The following MLF2 variants were observed in gnomAD, a reference collection of about 807,000 sequenced individuals.
The protein encoded by MLF2 is myelodysplasia-myeloid leukemia factor 2.
A neutral mutation model predicts 31.4 loss-of-function variants in MLF2; 12 were observed. The observed-to-expected ratio is 0.38, with a 90% CI of 0.24 to 0.62. The LOEUF (loss-of-function observed/expected upper bound fraction) is 0.62. MLF2 is among the 20% of genes least tolerant of loss of function. MLF2 has a pLI of 0.58. For synonymous variants in MLF2, 109 were observed against 118.8 expected, an observed-to-expected ratio of 0.92 and a Z score of 0.54; for missense variants, 272 against 359.7, an observed-to-expected ratio of 0.76 and a Z score of 1.97.
Position 6,748,155 on chromosome 12 carries a change from A to G in MLF2, c.*418T>C, listed in dbSNP as rs1403672405. ...GTCTGCTCCTTCCACAGCCCTAGAT[A>G]GGGCTACGGCCCCTCAGTGGGGGCT... On this transcript the variant is annotated 3_prime_UTR_variant, in exon 9 of 9. Transcript: ENST00000203630. This position sits in a 1 kb window ranked among gnomAD's most constrained non-coding sequence, Gnocchi z 4.6. 6.6e-6 allele frequency: 1 copy of G among 152,352 alleles called. No homozygotes were observed. Among genetic ancestry groups the G allele is most frequent in the Non-Finnish European group, 1.5e-5 (1 of 68,122 alleles). The allele number at this position is 152,352 out of a possible 1,614,324, so 9.4% of individuals were successfully genotyped here. A position where few individuals can be genotyped will look rare whatever the true frequency, so the allele number is the denominator to read the frequency against.
At position 6,752,211 on chromosome 12, in the gene MLF2, A is replaced by G. The variant is rs1361073420; in HGVS notation, c.50+74T>C. 1 of 1,540,812 alleles carries G rather than the reference A, an allele frequency of 6.5e-7. No homozygotes were observed. Among genetic ancestry groups the G allele is most frequent in the Non-Finnish European group, 8.8e-7 (1 of 1,135,960 alleles). On this transcript the variant is annotated intron_variant, in intron 2 of 8. Coordinates refer to ENST00000203630, the MANE Select transcript of MLF2 (RefSeq NM_001382226.1). The surrounding 1 kb of genome is among the most constrained non-coding windows in gnomAD (Gnocchi z 4.6). ...CAGCCAGTTCCAACCATTCCTAGCA[A>G]TGGGAACCCCGATGTCTGCCTGAAC...
In MLF2 at chr12:6,748,710, T is replaced by G; in HGVS notation, c.*25+60A>C. On this transcript the variant is annotated intron_variant, in intron 8 of 8. Coordinates refer to ENST00000203630, the MANE Select transcript of MLF2 (RefSeq NM_001382226.1). This position sits in a 1 kb window ranked among gnomAD's most constrained non-coding sequence, Gnocchi z 4.6. ...CTCCTGCGGGAGCCTGAACTGAGCC[T>G]GCCTTGCAGCCGAGGACCGTCCGCA... is the stretch of plus-strand genomic sequence containing the variant. 7.5e-7 allele frequency: 1 copy of G among 1,328,132 alleles called. No individual in the cohort carries two copies. Among genetic ancestry groups the G allele is most frequent in the Non-Finnish European group, 1.0e-6 (1 of 995,210 alleles). The allele number at this position is 1,328,132 out of a possible 1,614,324, so 82.3% of individuals were successfully genotyped here. A position where few individuals can be genotyped will look rare whatever the true frequency, so the allele number is the denominator to read the frequency against.
In MLF2 at chr12:6,752,364, T is replaced by C; in HGVS notation, c.-28-2A>G. Reference sequence around the variant, plus strand: ...ATCTCAGCTCCAGGGGGCTCCACACTGGAAAGATATGGAAGCTCAGATACT... The same window carrying C: ...ATCTCAGCTCCAGGGGGCTCCACACCGGAAAGATATGGAAGCTCAGATACT... On this transcript the variant is annotated splice_acceptor_variant, in intron 1 of 8. Transcript: ENST00000203630. LOFTEE classifies it low-confidence loss of function (5UTR_SPLICE). The surrounding 1 kb of genome is among the most constrained non-coding windows in gnomAD (Gnocchi z 4.6). 2 of 1,552,612 alleles carry C rather than the reference T, an allele frequency of 1.3e-6. No homozygotes were observed. Among genetic ancestry groups the C allele is most frequent in the Non-Finnish European group, 1.7e-6 (2 of 1,147,000 alleles).
At position 6,750,020 on chromosome 12, in the gene MLF2, AG is replaced by A; in HGVS notation, c.400-14del. 6.2e-7 allele frequency: 1 copy of A among 1,614,002 alleles called. No homozygotes were observed. Among genetic ancestry groups the A allele is most frequent in the Non-Finnish European group, 8.5e-7 (1 of 1,179,894 alleles). ...GTGTCTCCCGGATCTGGGATGAGGC[AG>A]AACGTGGCACACTCAGCCGCCCCTT... On this transcript the variant is annotated splice_polypyrimidine_tract_variant and intron_variant, in intron 6 of 8. Coordinates refer to ENST00000203630, the MANE Select transcript of MLF2 (RefSeq NM_001382226.1). The surrounding 1 kb of genome is among the most constrained non-coding windows in gnomAD (Gnocchi z 5.3).
At chr12:6,751,221 CTTT>C (rs58891397) in intron 4 of MLF2, 119 of 192,456 alleles carry the variant, frequency 6.2e-4, no homozygotes, top group South Asian at 1.4e-3. Flanking sequence ...AACATCTTTT[CTTT>C]TTTTTTTTTT....
At position 6,753,126 on chromosome 12, in the gene MLF2, A is replaced by C; in HGVS notation, c.-216T>G. 9.9e-5 allele frequency: 38 copies of C among 383,942 alleles called. No individual in the cohort carries two copies. The highest frequency in any genetic ancestry group is 1.4e-4 in the South Asian group (1 of 6,960). The allele number at this position is 383,942 out of a possible 1,614,324, so 23.8% of individuals were successfully genotyped here. ...GGCCAACGGAGCCCGAACCTCGGCCAGGCCCGGGCGGAAGTGACGTCACGA... is the reference window on the plus strand; with the variant it reads ...GGCCAACGGAGCCCGAACCTCGGCCCGGCCCGGGCGGAAGTGACGTCACGA... On this transcript the variant is annotated 5_prime_UTR_variant, in exon 1 of 9. Coordinates refer to ENST00000203630, the MANE Select transcript of MLF2 (RefSeq NM_001382226.1).
chr12:6,748,604 G>C lies in MLF2; in HGVS notation c.*26-57C>G, dbSNP rs1282283738. ...AAAAGGAAGAAAAAACTTACGTTAAGAGCCAGGAGTTGGGGTTTAATCCCC... is the reference window on the plus strand; with the variant it reads ...AAAAGGAAGAAAAAACTTACGTTAACAGCCAGGAGTTGGGGTTTAATCCCC... On this transcript the variant is annotated intron_variant, in intron 8 of 8. Transcript: ENST00000203630. The surrounding 1 kb of genome is among the most constrained non-coding windows in gnomAD (Gnocchi z 4.6). 8 of 521,372 alleles carry C rather than the reference G, an allele frequency of 1.5e-5. No homozygotes were observed. The East Asian group carries it at 2.7e-4, about 18-fold the overall frequency. The allele number at this position is 521,372 out of a possible 1,614,324, so 32.3% of individuals were successfully genotyped here.
rs559443931 is a variant in MLF2, at chr12:6,749,648, G to C, written c.559+200C>G. The C allele has an allele frequency of 1.6e-6, 1 of 632,086 alleles. No individual in the cohort carries two copies. The allele number at this position is 632,086 out of a possible 1,614,324, so 39.2% of individuals were successfully genotyped here. ...GAGAATTGCTTAAACCCGGGAGGCG[G>C]AGGTTGCAGTGAGCTGAGATCGCGC... On this transcript the variant is annotated intron_variant, in intron 7 of 8. Transcript: ENST00000203630. This position sits in a 1 kb window ranked among gnomAD's most constrained non-coding sequence, Gnocchi z 5.3.
intron 3 of MLF2, 124 bp from the exon 4 acceptor site, chr12:6,751,800 T>C: frequency 6.4e-7 from 1 of 1,567,846 alleles, no homozygotes; most frequent in Admixed American, 1.7e-5. Context: ...CCCTTTTTCC[T>C]GACCCTTTCC....
Position 6,750,585 on chromosome 12 carries a change from G to C in MLF2, c.270+128C>G. 4.3e-6 allele frequency: 5 copies of C among 1,163,756 alleles called. No individual in the cohort carries two copies. The highest frequency in any genetic ancestry group is 2.1e-5 in the Admixed American group (1 of 48,194). 72.1% of individuals were successfully genotyped at this position (1,163,756 alleles called of 1,614,324 possible). A position where few individuals can be genotyped will look rare whatever the true frequency, so the allele number is the denominator to read the frequency against. On this transcript the variant is annotated intron_variant, in intron 5 of 8. Transcript: ENST00000203630. The surrounding 1 kb of genome is among the most constrained non-coding windows in gnomAD (Gnocchi z 5.3). The stretch of plus-strand genomic sequence containing the variant: ...CAGGTACAGGGTCCCAAGGCTCTCT[G>C]GTTCAATTACTTTATCCAGTACTTT...
chr12:6,750,028 GCA>G lies in MLF2; in HGVS notation c.400-23_400-22del. ...CGGATCTGGGATGAGGCAGAACGTG[GCA>G]CACTCAGCCGCCCCTTCCAAAGCCC... is the stretch of plus-strand genomic sequence containing the variant. On this transcript the variant is annotated intron_variant, in intron 6 of 8. Coordinates refer to ENST00000203630, the MANE Select transcript of MLF2 (RefSeq NM_001382226.1). This position sits in a 1 kb window ranked among gnomAD's most constrained non-coding sequence, Gnocchi z 5.3. 1 of 1,613,656 alleles carries G rather than the reference GCA, an allele frequency of 6.2e-7. No individual in the cohort carries two copies. The highest frequency in any genetic ancestry group is 8.5e-7 in the Non-Finnish European group (1 of 1,179,758).
chr12:6,752,528 G>A lies in MLF2; in HGVS notation c.-28-166C>T, dbSNP rs1364400371. The stretch of plus-strand genomic sequence containing the variant: ...TCCACACAACCCTCTAGGGAGGGAA[G>A]GGCTCTTCAAACCTCTTTCTCAATT... On this transcript the variant is annotated intron_variant, in intron 1 of 8. Transcript: ENST00000203630. The surrounding 1 kb of genome is among the most constrained non-coding windows in gnomAD (Gnocchi z 4.6). 3.4e-6 allele frequency: 2 copies of A among 585,156 alleles called. No homozygotes were observed. Among genetic ancestry groups the A allele is most frequent in the Non-Finnish European group, 3.0e-6 (1 of 337,450 alleles). The allele number at this position is 585,156 out of a possible 1,614,324, so 36.2% of individuals were successfully genotyped here.
At position 6,749,178 on chromosome 12, in the gene MLF2, A is replaced by G. The variant is rs1941572340; in HGVS notation, c.560-196T>C. On this transcript the variant is annotated intron_variant, in intron 7 of 8. Coordinates refer to ENST00000203630, the MANE Select transcript of MLF2 (RefSeq NM_001382226.1). The surrounding 1 kb of genome is among the most constrained non-coding windows in gnomAD (Gnocchi z 5.3). ...GCCACCGGTAGGCGTAAGGTGGCCT[A>G]CTGGAGGAAGAAATCAGAATGGGAT... is the stretch of plus-strand genomic sequence containing the variant. Among the ~76,000 whole-genome samples the G allele has an allele frequency of 6.6e-6, 1 of 152,234 alleles. No individual in the cohort carries two copies. Among genetic ancestry groups the G allele is most frequent in the Non-Finnish European group, 1.5e-5 (1 of 68,026 alleles).
chr12:6,749,042 G>A lies in MLF2; in HGVS notation c.560-60C>T, dbSNP rs1286745357. ...CGGCCTGGCTCCTGGAGGCCGATGT[G>A]CGAGCGAGCCACAGCTTTTCGGGCC... On this transcript the variant is annotated intron_variant, in intron 7 of 8. Coordinates refer to ENST00000203630, the MANE Select transcript of MLF2 (RefSeq NM_001382226.1). The surrounding 1 kb of genome is among the most constrained non-coding windows in gnomAD (Gnocchi z 5.3). 1.4e-6 allele frequency: 2 copies of A among 1,465,898 alleles called. No individual in the cohort carries two copies. Among genetic ancestry groups the A allele is most frequent in the South Asian group, 2.8e-5 (2 of 71,528 alleles). The allele number at this position is 1,465,898 out of a possible 1,614,324, so 90.8% of individuals were successfully genotyped here.
chr12:6,751,459 GTTTAACACC>G (rs1352651371), intron 4 of MLF2, among the ~76,000 whole-genome samples, 173 bp downstream of exon 4: 2 of 152,104 alleles, frequency 1.3e-5, no homozygotes, highest in Admixed American at 1.3e-4. Flanking sequence ...CCCAACAAGA[GTTTAACACC>G]TTTAACCCAC....
rs1941560539 is a variant in MLF2 at position 6,748,591 on chromosome 12, A to C, written c.*26-44T>G. On this transcript the variant is annotated intron_variant, in intron 8 of 8. Coordinates refer to ENST00000203630, the MANE Select transcript of MLF2 (RefSeq NM_001382226.1). This position sits in a 1 kb window ranked among gnomAD's most constrained non-coding sequence, Gnocchi z 4.6. ...AGGAGCACAAGTCAAAAGGAAGAAA[A>C]AACTTACGTTAAGAGCCAGGAGTTG... 6.2e-6 allele frequency: 3 copies of C among 480,232 alleles called. No homozygotes were observed. The East Asian group carries it at 1.1e-4, about 17-fold the overall frequency. The allele number at this position is 480,232 out of a possible 1,614,324, so 29.7% of individuals were successfully genotyped here. A position where few individuals can be genotyped will look rare whatever the true frequency, so the allele number is the denominator to read the frequency against.
Position 6,748,466 on chromosome 12 carries a change from GTT to G in MLF2, c.*105_*106del. 1 of 236,046 alleles carries G rather than the reference GTT, an allele frequency of 4.2e-6. No homozygotes were observed. The highest frequency in any genetic ancestry group is 8.1e-6 in the Non-Finnish European group (1 of 123,010). The allele number at this position is 236,046 out of a possible 1,614,324, so 14.6% of individuals were successfully genotyped here. A position where few individuals can be genotyped will look rare whatever the true frequency, so the allele number is the denominator to read the frequency against. The stretch of plus-strand genomic sequence containing the variant: ...GGGAGAGGTGGGGGCCGGCTTGCCT[GTT>G]AATTTAATATTAAATTGGGGATGGG... On this transcript the variant is annotated 3_prime_UTR_variant, in exon 9 of 9. Transcript: ENST00000203630. The surrounding 1 kb of genome is among the most constrained non-coding windows in gnomAD (Gnocchi z 4.6).
In MLF2 at chr12:6,750,939, C is replaced by T; in HGVS notation, c.217-173G>A. On this transcript the variant is annotated intron_variant, in intron 4 of 8. Coordinates refer to ENST00000203630, the MANE Select transcript of MLF2 (RefSeq NM_001382226.1). The surrounding 1 kb of genome is among the most constrained non-coding windows in gnomAD (Gnocchi z 5.3). ...AATAACCAGAATACTCATATTTCTC[C>T]TCCTGTGAACTGCTGACCCCTTCCT... The T allele has an allele frequency of 1.6e-6, 1 of 626,300 alleles. No individual in the cohort carries two copies. The highest frequency in any genetic ancestry group is 2.5e-5 in the Admixed American group (1 of 40,472). 38.8% of individuals were successfully genotyped at this position (626,300 alleles called of 1,614,324 possible).
rs770644193 is a variant in MLF2, at chr12:6,748,902, G to C, written c.640C>G (p.Leu214Val). 3.1e-6 allele frequency: 5 copies of C among 1,601,782 alleles called. No homozygotes were observed. Among genetic ancestry groups the C allele is most frequent in the Admixed American group, 1.7e-5 (1 of 58,294 alleles). Residue 214 changes from leucine (L) to valine (V), a missense_variant, in exon 8 of 9, where the codon CTT becomes GTT. Transcript: ENST00000203630. This position sits in a 1 kb window ranked among gnomAD's most constrained non-coding sequence, Gnocchi z 4.6. ...CGTCCCCCAGCCCCTGAGGACTCAA[G>C]CCGCCGAAACTCCAGGGGACGCTGC... ...RQQRPLEFRR[L>V]ESSGAGGRRA...
Sources: allele counts gnomAD v4.1 joint callset (sites outside exome capture counted in the v4.1 genomes callset), GRCh38; gene constraint gnomAD v4.1.1; non-coding constraint Gnocchi (gnomAD v3.1); transcripts MANE v1.5; gene names NCBI Gene and HGNC (gene_info 2026-07-23, HGNC 2026-07-21).